GOLGA3: variants seen among roughly 807,000 people sequenced by gnomAD.
The protein encoded by GOLGA3 is golgin A3, also known as golgin subfamily A member 3.
GOLGA3 carries 75 observed loss-of-function variants against 169.4 expected under a neutral mutation model. The ratio of observed to expected loss-of-function variants is 0.44; its 90% CI spans 0.37 to 0.54. GOLGA3 has a LOEUF of 0.54. GOLGA3 is among the 20% of genes least tolerant of loss of function. The pLI is 0.00. For missense variants in GOLGA3, 1,899 were observed against 1,930.0 expected, an observed-to-expected ratio of 0.98 and a Z score of 0.30; for synonymous variants, 824 against 822.4, an observed-to-expected ratio of 1.00 and a Z score of -0.03.
In GOLGA3 at chr12:132,772,034, G is replaced by C. The variant is rs943754515; in HGVS notation, c.*1071C>G. ...TGGCCTGAGAGGAAGAGACCAGCAG[G>C]AAGGAAAGATCCTCAGCAACAAAGT... is the stretch of plus-strand genomic sequence containing the variant. On this transcript the variant is annotated 3_prime_UTR_variant, in exon 24 of 24. Transcript: ENST00000450791. 2 of 152,280 alleles carry C rather than the reference G, an allele frequency of 1.3e-5. No individual in the cohort carries two copies. The highest frequency in any genetic ancestry group is 4.8e-5 in the African/African-American group (2 of 41,462). 9.4% of individuals were successfully genotyped at this position (152,280 alleles called of 1,614,324 possible). A position where few individuals can be genotyped will look rare whatever the true frequency, so the allele number is the denominator to read the frequency against.
At position 132,775,161 on chromosome 12, in the gene GOLGA3, G is replaced by A. The variant is rs763639078; in HGVS notation, c.4123C>T (p.Arg1375Cys). The A allele has an allele frequency of 2.1e-5, 34 of 1,613,728 alleles. 1 individual carries two copies. Among genetic ancestry groups the A allele is most frequent in the South Asian group, 2.2e-5 (2 of 91,078 alleles). Residue 1375 changes from arginine to cysteine, a missense_variant, in exon 22 of 24, where the codon CGC (arginine) becomes TGC (cysteine). Coordinates refer to ENST00000450791, the MANE Select transcript of GOLGA3 (RefSeq NM_001389683.1). ...QQNQQLKLDL[R>C]RGAAKTRKEP... is the part of the protein sequence containing the mutation. ...AGTACCGTCTTGGCCGCGCCGCGGC[G>A]TAGGTCCAGCTTGAGCTGCTGGTTC...
At position 132,795,835 on chromosome 12, in the gene GOLGA3, A is replaced by G. The variant is rs1419970396; in HGVS notation, c.2469+17T>C. The G allele has an allele frequency of 6.2e-7, 1 of 1,602,756 alleles. No homozygotes were observed. The highest frequency in any genetic ancestry group is 2.2e-5 in the East Asian group (1 of 44,606). ...GGAGGGTTCTGATTCAAAACAAAAC[A>G]CAGCAGAATGCATTACCTGGCCGGA... On this transcript the variant is annotated intron_variant, in intron 11 of 23. Transcript: ENST00000450791.
At chr12:132,785,819 C>T (rs966439934) in intron 15 of GOLGA3, among the ~76,000 whole-genome samples, 1 of 152,210 alleles carries the variant, frequency 6.6e-6, no homozygotes, top group African/African-American at 2.4e-5. Context: ...TGACAGAGCA[C>T]GGAGGGCCAC....
rs147445027 is a variant in GOLGA3, at chr12:132,807,960, G to A, written c.1109C>T (p.Ala370Val). Residue 370 changes from alanine to valine, a missense_variant, in exon 5 of 24, where the codon GCT becomes GTT. By Grantham distance (64) the Ala-to-Val change is moderately conservative (BLOSUM62 0). Transcript: ENST00000450791. The part of the protein sequence containing the change: ...SIKDVLQAAA[A>V]EHQDQGQEVN... ...CTCCTGCCCCTGGTCTTGGTGCTCAGCGGCTGCGGCCTGGAGGACGTCCTT... is the reference window on the plus strand; with the variant it reads ...CTCCTGCCCCTGGTCTTGGTGCTCAACGGCTGCGGCCTGGAGGACGTCCTT... 1.5e-4 allele frequency: 236 copies of A among 1,612,944 alleles called. 1 individual carries two copies. Among genetic ancestry groups the A allele is most frequent in the Non-Finnish European group, 1.9e-4 (225 of 1,179,774 alleles).
rs746213124 is a variant in GOLGA3 at position 132,804,666 on chromosome 12, G to A, written c.1597+50C>T. 4.6e-5 allele frequency: 67 copies of A among 1,460,746 alleles called. No individual in the cohort carries two copies. Among genetic ancestry groups the A allele is most frequent in the South Asian group, 7.3e-5 (6 of 82,016 alleles). 90.5% of individuals were successfully genotyped at this position (1,460,746 alleles called of 1,614,324 possible). A position where few individuals can be genotyped will look rare whatever the true frequency, so the allele number is the denominator to read the frequency against. On this transcript the variant is annotated intron_variant, in intron 7 of 23. Coordinates refer to ENST00000450791, the MANE Select transcript of GOLGA3 (RefSeq NM_001389683.1). The surrounding 1 kb of genome is among the most constrained non-coding windows in gnomAD (Gnocchi z 4.1). Reference sequence around the variant, plus strand: ...GGGCCAGTCGAGGAAGGAGGAGGGAGCAGCAGGGACCAGTCAGGGAGGGGA... The same window carrying A: ...GGGCCAGTCGAGGAAGGAGGAGGGAACAGCAGGGACCAGTCAGGGAGGGGA...
At chr12:132,797,244 C>T (rs886523072) in intron 9 of GOLGA3, among the ~76,000 whole-genome samples, 13 of 152,202 alleles carry the variant, frequency 8.5e-5, no homozygotes, top group Non-Finnish European at 1.2e-4. Context: ...TGGGAGCAGT[C>T]GCAGGAGATG....
In GOLGA3 at chr12:132,828,794, G is replaced by GC. The variant is rs1950531899; in HGVS notation, c.-184+8dup. 1 of 152,306 alleles carries GC rather than the reference G, an allele frequency of 6.6e-6. No individual in the cohort carries two copies. The highest frequency in any genetic ancestry group is 2.4e-5 in the African/African-American group (1 of 41,402). The allele number at this position is 152,306 out of a possible 1,614,324, so 9.4% of individuals were successfully genotyped here. A position where few individuals can be genotyped will look rare whatever the true frequency, so the allele number is the denominator to read the frequency against. ...AGCCCCGAGGCGCCGCGGCCTCCGA[G>GC]CCCCTCACCCTGCTGCTCTGGCAGC... On this transcript the variant is annotated intron_variant, in intron 1 of 23. Transcript: ENST00000450791.
intron 4 of GOLGA3, among the ~76,000 whole-genome samples, chr12:132,810,895 T>C (rs561772085): frequency 1.3e-5 from 2 of 152,340 alleles, no homozygotes; most frequent in Non-Finnish European, 2.9e-5. Context: ...CTAGTCTGCT[T>C]TCATGTTCCA....
chr12:132,774,399 C>G, intron 22 of GOLGA3, 79 bp from the exon 23 acceptor site: 1 of 1,521,128 alleles, frequency 6.6e-7, no homozygotes, highest in Non-Finnish European at 9.0e-7. Flanking sequence ...TTGTGGCAAA[C>G]GGGCCTCCCC....
At chr12:132,778,106 T>C (rs1368277371) in intron 18 of GOLGA3, among the ~76,000 whole-genome samples, 9 of 152,296 alleles carry the variant, frequency 5.9e-5, no homozygotes, top group Non-Finnish European at 1.0e-4. Context: ...CTGGACAACA[T>C]AGCAAGACCC....
chr12:132,774,487 C>T (rs960201161), intron 22 of GOLGA3, 167 bp from the exon 23 acceptor site: 3 of 667,528 alleles, frequency 4.5e-6, no homozygotes, highest in Non-Finnish European at 7.6e-6. Context: ...CCCCGGAGCT[C>T]CAGAATAGCT....
intron 4 of GOLGA3, among the ~76,000 whole-genome samples, chr12:132,809,945 C>G (rs1949620893): frequency 2.6e-5 from 4 of 151,996 alleles, no homozygotes; most frequent in Admixed American, 6.6e-5. Flanking sequence ...TTTGGATAAA[C>G]ATAGAAATTT....
In GOLGA3 at chr12:132,796,704, A is replaced by T; in HGVS notation, c.1939-4T>A. The T allele has an allele frequency of 1.2e-6, 2 of 1,612,986 alleles. No individual in the cohort carries two copies. Among genetic ancestry groups the T allele is most frequent in the South Asian group, 2.2e-5 (2 of 91,040 alleles). ...CTTCCTGATCCAACATGTCAGCCTG[A>T]GCCCAGGAAACTTGTTTTTAAAAAG... On this transcript the variant is annotated splice_region_variant and splice_polypyrimidine_tract_variant and intron_variant, in intron 9 of 23. Coordinates refer to ENST00000450791, the MANE Select transcript of GOLGA3 (RefSeq NM_001389683.1).
chr12:132,797,795 G>A (rs1177507562), intron 9 of GOLGA3, among the ~76,000 whole-genome samples: 4 of 152,210 alleles, frequency 2.6e-5, no homozygotes, highest in Non-Finnish European at 5.9e-5. Context: ...CAAGGCTGCT[G>A]CATTTCTGTC....
chr12:132,794,703 A>G (rs1288174471), intron 11 of GOLGA3, among the ~76,000 whole-genome samples: 1 of 152,262 alleles, frequency 6.6e-6, no homozygotes, highest in African/African-American at 2.4e-5. Flanking sequence ...AGTAAAATCA[A>G]GTTTAAATTC....
In GOLGA3 at chr12:132,821,978, A is replaced by G. The variant is rs764069436; in HGVS notation, c.133+18T>C. The G allele has an allele frequency of 1.9e-6, 3 of 1,576,956 alleles. No homozygotes were observed. In the East Asian group the frequency reaches 7.1e-5, roughly 37 times the overall value. ...AGGTCCTCCTGTGACCAGCACACAG[A>G]GGAACCTCACGACTTACACTGGACT... is the stretch of plus-strand genomic sequence containing the variant. On this transcript the variant is annotated intron_variant, in intron 2 of 23. Coordinates refer to ENST00000450791, the MANE Select transcript of GOLGA3 (RefSeq NM_001389683.1).
chr12:132,783,797 C>G (rs955075435), intron 16 of GOLGA3: 30 of 741,844 alleles, frequency 4.0e-5, no homozygotes, highest in Admixed American at 3.8e-4. Context: ...AGGCTGGTCT[C>G]GAGCTCCTAA....
chr12:132,797,223 CCA>C (rs1229281174), intron 9 of GOLGA3, among the ~76,000 whole-genome samples: 2 of 152,210 alleles, frequency 1.3e-5, no homozygotes, highest in African/African-American at 4.8e-5. Context: ...CCAGCTAATG[CCA>C]CAGAGAGGTG....
At chr12:132,818,214 C>G (rs1330156201) in intron 2 of GOLGA3, among the ~76,000 whole-genome samples, 3 of 151,682 alleles carry the variant, frequency 2.0e-5, no homozygotes, top group Non-Finnish European at 3.0e-5. Flanking sequence ...ACCCTCCACA[C>G]CTCCACACTC....
Sources: allele counts gnomAD v4.1 joint callset (sites outside exome capture counted in the v4.1 genomes callset), GRCh38; gene constraint gnomAD v4.1.1; non-coding constraint Gnocchi (gnomAD v3.1); transcripts MANE v1.5; gene names NCBI Gene and HGNC (gene_info 2026-07-23, HGNC 2026-07-21).